PLA2G4A: variants seen among roughly 807,000 people sequenced by gnomAD.
The protein encoded by PLA2G4A is phospholipase A2 group IVA, also known as cytosolic phospholipase A2.
PLA2G4A carries 40 observed loss-of-function variants against 81.9 expected under a neutral mutation model. The observed-to-expected ratio is 0.49, with a 90% confidence interval of 0.38 to 0.64. PLA2G4A has a LOEUF of 0.64. PLA2G4A is among the 30% of genes least tolerant of loss of function. The pLI is 0.00. For synonymous variants in PLA2G4A, 302 were observed against 296.9 expected (o/e 1.02, Z -0.18); for missense variants, 715 against 905.1 (o/e 0.79, Z 2.69).
intron 7 of PLA2G4A, among the ~76,000 whole-genome samples, chr1:186,918,081 C>T (rs1655212615): frequency 6.6e-6 from 1 of 152,148 alleles, no homozygotes; most frequent in African/African-American, 2.4e-5. Flanking sequence ...TTATTACTTG[C>T]CCCCTGTCTG....
At chr1:186,851,651 G>A (rs114451636) in intron 1 of PLA2G4A, among the ~76,000 whole-genome samples, 21 of 151,856 alleles carry the variant, frequency 1.4e-4, no homozygotes, top group Non-Finnish European at 2.4e-4. Context: ...GTGCTGAATC[G>A]TAAGGATTAT....
intron 7 of PLA2G4A, among the ~76,000 whole-genome samples, chr1:186,915,611 A>G (rs185459061): frequency 6.6e-6 from 1 of 152,120 alleles, no homozygotes; most frequent in African/African-American, 2.4e-5. Flanking sequence ...AGTTTCAATA[A>G]CACAACTACC....
intron 8 of PLA2G4A, among the ~76,000 whole-genome samples, chr1:186,936,225 G>C (rs1244974563): frequency 1.3e-5 from 2 of 151,896 alleles, no homozygotes; most frequent in Admixed American, 6.6e-5. Context: ...ATTTGAGAGT[G>C]AGAATTTTCA....
At chr1:186,928,810 G>A (rs1483414332) in intron 7 of PLA2G4A, among the ~76,000 whole-genome samples, 2 of 152,072 alleles carry the variant, frequency 1.3e-5, no homozygotes, top group East Asian at 1.9e-4. Context: ...AAGGTTTTTG[G>A]TAAATGAAAA....
At chr1:186,884,322 G>GGTAAGTAGTAA (rs1160819347) in intron 3 of PLA2G4A, among the ~76,000 whole-genome samples, 2 of 149,538 alleles carry the variant, frequency 1.3e-5, no homozygotes, top group Non-Finnish European at 3.0e-5. Flanking sequence ...TAGTAAGTAG[G>GGTAAGTAGTAA]GTAGGTGGCT....
At chr1:186,925,889 A>G (rs887127572) in intron 7 of PLA2G4A, among the ~76,000 whole-genome samples, 6 of 152,214 alleles carry the variant, frequency 3.9e-5, no homozygotes, top group Non-Finnish European at 7.3e-5. Flanking sequence ...ATTCATCTCT[A>G]TATTTCAACC....
chr1:186,954,604 T>C (rs1656681639), intron 13 of PLA2G4A, among the ~76,000 whole-genome samples: 1 of 152,044 alleles, frequency 6.6e-6, no homozygotes, highest in Admixed American at 6.6e-5. Flanking sequence ...TATATATTTA[T>C]TATGGTTTTA....
intron 14 of PLA2G4A, among the ~76,000 whole-genome samples, chr1:186,962,481 TTTTA>T (rs1553221215): frequency 5.4e-5 from 7 of 130,592 alleles, no homozygotes; most frequent in Non-Finnish European, 7.7e-5. Context: ...TTTGTAGTTA[TTTTA>T]TTTTATTTAT....
intron 7 of PLA2G4A, among the ~76,000 whole-genome samples, chr1:186,919,212 G>A (rs1319949097): frequency 6.6e-6 from 1 of 152,162 alleles, no homozygotes; most frequent in African/African-American, 2.4e-5. Context: ...CCCGTACAAA[G>A]GTTTGGCTAA....
At chr1:186,968,211 T>C (rs1011692306) in intron 15 of PLA2G4A, among the ~76,000 whole-genome samples, 1 of 152,106 alleles carries the variant, frequency 6.6e-6, no homozygotes, top group African/African-American at 2.4e-5. Context: ...GAGGAGGTTT[T>C]GGAATATCAC....
chr1:186,968,393 G>GGTGTGTGTGTGTGT (rs1291464246), intron 15 of PLA2G4A, among the ~76,000 whole-genome samples: 18 of 31,570 alleles, frequency 5.7e-4, no homozygotes, highest in South Asian at 2.0e-3. Context: ...CTCTTTTCGC[G>GGTGTGTGTGTGTGT]GTGTGTATGT....
At chr1:186,840,947 T>C (rs1457016897) in intron 1 of PLA2G4A, among the ~76,000 whole-genome samples, 1 of 152,220 alleles carries the variant, frequency 6.6e-6, no homozygotes, top group African/African-American at 2.4e-5. Flanking sequence ...GATGTAGAAG[T>C]AATGCTGTTG....
chr1:186,860,180 AATTT>A (rs1403672192), intron 2 of PLA2G4A, among the ~76,000 whole-genome samples: 10 of 152,164 alleles, frequency 6.6e-5, no homozygotes, highest in African/African-American at 1.9e-4. Flanking sequence ...GGTATTAATT[AATTT>A]ATTATGACAA....
intron 2 of PLA2G4A, among the ~76,000 whole-genome samples, chr1:186,865,563 G>T (rs1424434010): frequency 6.6e-6 from 1 of 151,974 alleles, no homozygotes; most frequent in Non-Finnish European, 1.5e-5. Context: ...ATAATCTCTG[G>T]GTTCAGTAAT....
At chr1:186,896,774 C>T (rs527720740) in intron 5 of PLA2G4A, among the ~76,000 whole-genome samples, 64 of 152,212 alleles carry the variant, frequency 4.2e-4, no homozygotes, top group African/African-American at 1.5e-3. Flanking sequence ...TCCAAGCAGG[C>T]TTTTCTTCAT....
intron 14 of PLA2G4A, among the ~76,000 whole-genome samples, chr1:186,962,237 T>G (rs1656971156): frequency 6.6e-6 from 1 of 152,168 alleles, no homozygotes; most frequent in African/African-American, 2.4e-5. Flanking sequence ...AATTTATAGA[T>G]TAACCTGTAT....
chr1:186,913,428 C>A (rs1042390688), intron 7 of PLA2G4A, among the ~76,000 whole-genome samples: 8 of 151,864 alleles, frequency 5.3e-5, no homozygotes, highest in Non-Finnish European at 1.0e-4. Context: ...CATCAATCAC[C>A]TATCTAATCT....
intron 14 of PLA2G4A, among the ~76,000 whole-genome samples, chr1:186,962,475 T>C (rs1656983492): frequency 7.3e-6 from 1 of 136,674 alleles, no homozygotes; most frequent in African/African-American, 3.3e-5. Context: ...CTATACTTTG[T>C]AGTTATTTTA....
At chr1:186,933,181 A>G (rs4433346) in intron 8 of PLA2G4A, among the ~76,000 whole-genome samples, 44,530 of 151,996 alleles carry the variant, frequency 0.29, 8,603 homozygotes, top group African/African-American at 0.54. Context: ...AGTTCTAGAT[A>G]AAAATAGAAG....
Sources: gnomAD v4.1 joint callset for allele counts (sites outside exome capture counted in the v4.1 genomes callset) on GRCh38, gnomAD v4.1.1 for gene constraint, MANE v1.5 for transcripts, NCBI Gene and HGNC (gene_info 2026-07-23, HGNC 2026-07-21) for gene names.